BMP5: variants seen among roughly 807,000 people sequenced by gnomAD.
BMP5 encodes the protein bone morphogenetic protein 5.
Under a neutral mutation model 46.6 loss-of-function variants are expected in BMP5, and 23 were observed. The ratio of observed to expected loss-of-function variants is 0.49; its 90% CI spans 0.35 to 0.70. The LOEUF (loss-of-function observed/expected upper bound fraction) is 0.70, where lower values mean the gene tolerates loss of function less well. Ranked by LOEUF, BMP5 falls within the 30% of genes least tolerant of loss-of-function variation. The pLI, the probability that BMP5 is intolerant of heterozygous loss-of-function variation, is 0.00. For synonymous variants in BMP5, 204 were observed against 191.9 expected (o/e 1.06, Z -0.52); for missense variants, 545 against 565.6 (o/e 0.96, Z 0.37).
chr6:55,815,102 C>T (rs900349628), intron 2 of BMP5, among the ~76,000 whole-genome samples: 4 of 128,498 alleles, frequency 3.1e-5, no homozygotes, highest in Admixed American at 9.6e-5. Flanking sequence ...CATTGCACTC[C>T]AGCTTGGGCA....
chr6:55,778,584 G>C (rs1775234546), intron 3 of BMP5, among the ~76,000 whole-genome samples: 1 of 151,912 alleles, frequency 6.6e-6, no homozygotes, highest in African/African-American at 2.4e-5. Flanking sequence ...TTAAATATTT[G>C]CTCGTGAAAA....
chr6:55,789,362 A>G (rs1478761021), intron 3 of BMP5, among the ~76,000 whole-genome samples: 1 of 151,966 alleles, frequency 6.6e-6, no homozygotes, highest in Non-Finnish European at 1.5e-5. Context: ...CTATAAACCC[A>G]AGTTTGAAAA....
At chr6:55,806,718 ATTTG>A (rs1285479610) in intron 2 of BMP5, among the ~76,000 whole-genome samples, 1 of 151,954 alleles carries the variant, frequency 6.6e-6, no homozygotes, top group Non-Finnish European at 1.5e-5. Context: ...ATGTTTTTCC[ATTTG>A]TTTGTGTTCT....
At chr6:55,870,406 T>C (rs1777756189) in intron 1 of BMP5, among the ~76,000 whole-genome samples, 1 of 152,076 alleles carries the variant, frequency 6.6e-6, no homozygotes. Flanking sequence ...CTTCAAAAGT[T>C]AAAACTTTTA....
At chr6:55,869,370 T>G (rs548813888) in intron 1 of BMP5, among the ~76,000 whole-genome samples, 2 of 152,276 alleles carry the variant, frequency 1.3e-5, no homozygotes, top group Non-Finnish European at 2.9e-5. Flanking sequence ...TTTCTTTCTT[T>G]CAGGCTCTTT....
chr6:55,784,807 T>C (rs1364385196), intron 3 of BMP5, among the ~76,000 whole-genome samples: 1 of 151,902 alleles, frequency 6.6e-6, no homozygotes, highest in African/African-American at 2.4e-5. Context: ...TTAATGGCAT[T>C]GTTTTATTTG....
At position 55,809,253 on chromosome 6, in the gene BMP5, T is replaced by G. The variant is rs78853599; in HGVS notation, c.683+10402A>C. Among the ~76,000 whole-genome samples the G allele has an allele frequency of 9.4e-3, 1,433 of 152,286 alleles. 25 individuals carry two copies. Among genetic ancestry groups the G allele is most frequent in the African/African-American group, 0.033 (1,374 of 41,562 alleles). The stretch of plus-strand genomic sequence containing the variant: ...TATAATTGCTACTTTCTTAACAAAC[T>G]ACATGTATAGTGTGTAAATGTATAT... On this transcript the variant is annotated intron_variant, in intron 2 of 6. Transcript: ENST00000370830.
At chr6:55,837,628 C>T (rs1776848848) in intron 1 of BMP5, among the ~76,000 whole-genome samples, 1 of 152,142 alleles carries the variant, frequency 6.6e-6, no homozygotes, top group South Asian at 2.1e-4. Context: ...TCCATCCCAT[C>T]AAGCATTTAT....
intron 2 of BMP5, among the ~76,000 whole-genome samples, chr6:55,818,249 C>CT (rs201426608): frequency 0.059 from 8,545 of 144,576 alleles, 328 homozygotes; most frequent in Middle Eastern, 0.15. Context: ...TAGTGTCTGG[C>CT]TTTTTTTTTT....
At chr6:55,808,890 C>T (rs969826490) in intron 2 of BMP5, among the ~76,000 whole-genome samples, 4 of 152,130 alleles carry the variant, frequency 2.6e-5, no homozygotes, top group Non-Finnish European at 5.9e-5. Context: ...CCTCCTATCG[C>T]TACTGCTTCT....
intron 4 of BMP5, among the ~76,000 whole-genome samples, chr6:55,770,582 T>C (rs1482323063): frequency 6.6e-6 from 1 of 151,960 alleles, no homozygotes; most frequent in Non-Finnish European, 1.5e-5. Flanking sequence ...ACTTATAATT[T>C]TCTTCAAGTA....
chr6:55,807,937 A>G (rs1776031007), intron 2 of BMP5, among the ~76,000 whole-genome samples: 1 of 152,150 alleles, frequency 6.6e-6, no homozygotes, highest in African/African-American at 2.4e-5. Context: ...TCCCTGTTGG[A>G]GGGTCTCACC....
intron 4 of BMP5, among the ~76,000 whole-genome samples, chr6:55,771,653 A>G (rs1270708722): frequency 6.6e-6 from 1 of 151,914 alleles, no homozygotes; most frequent in African/African-American, 2.4e-5. Context: ...TGAAGTAGAA[A>G]AGAAATGTGA....
intron 1 of BMP5, among the ~76,000 whole-genome samples, chr6:55,832,689 G>A (rs73448103): frequency 0.022 from 3,324 of 152,208 alleles, 155 homozygotes; most frequent in African/African-American, 0.075. Context: ...CCACATCAAT[G>A]CCTCCTATTA....
At chr6:55,834,150 T>A (rs947086805) in intron 1 of BMP5, among the ~76,000 whole-genome samples, 1 of 152,146 alleles carries the variant, frequency 6.6e-6, no homozygotes, top group Non-Finnish European at 1.5e-5. Context: ...TGATTCTAGA[T>A]GAAATATAGG....
chr6:55,780,479 A>AAAG (rs1468518185), intron 3 of BMP5, among the ~76,000 whole-genome samples: 4 of 141,940 alleles, frequency 2.8e-5, no homozygotes, highest in East Asian at 3.9e-4. Context: ...AAAAAGAAAG[A>AAAG]AAGAAAGAAA....
At chr6:55,787,086 T>G (rs1044642953) in intron 3 of BMP5, among the ~76,000 whole-genome samples, 3 of 151,770 alleles carry the variant, frequency 2.0e-5, no homozygotes, top group Middle Eastern at 3.4e-3. Flanking sequence ...TGCTACTTAT[T>G]AGCACTGTCA....
chr6:55,859,317 A>G (rs548233960), intron 1 of BMP5, among the ~76,000 whole-genome samples: 105 of 152,342 alleles, frequency 6.9e-4, no homozygotes, highest in African/African-American at 2.5e-3. Context: ...TTCTAAGAAC[A>G]GACTCTAAAA....
chr6:55,837,335 T>TAGA, intron 1 of BMP5, among the ~76,000 whole-genome samples: 1 of 124,012 alleles, frequency 8.1e-6, no homozygotes, highest in East Asian at 2.0e-4. Flanking sequence ...TAAAACTAAT[T>TAGA]TAGATAGATA....
Sources: gnomAD v4.1 joint callset for allele counts (sites outside exome capture counted in the v4.1 genomes callset) on GRCh38, gnomAD v4.1.1 for gene constraint, MANE v1.5 for transcripts, NCBI Gene and HGNC (gene_info 2026-07-23, HGNC 2026-07-21) for gene names.